PLXND1: variants seen among roughly 807,000 people sequenced by gnomAD.
PLXND1 encodes the protein plexin-D1.
In PLXND1, 54 loss-of-function variants were observed where a neutral mutation model predicts 197.7. That is an observed-to-expected ratio of 0.27 (90% CI 0.22 to 0.34). The LOEUF (loss-of-function observed/expected upper bound fraction) is 0.34. PLXND1 is among the 10% of genes least tolerant of loss of function. The pLI is 1.00. For missense variants in PLXND1, 2,127 were observed against 2,699.2 expected, an observed-to-expected ratio of 0.79 and a Z score of 4.70; for synonymous variants, 1,180 against 1,161.2, an observed-to-expected ratio of 1.02 and a Z score of -0.33.
chr3:129,561,957 G>A (rs1278641688), intron 27 of PLXND1, 54 bp from the exon 28 acceptor site: 2 of 1,219,142 alleles, frequency 1.6e-6, no homozygotes, highest in Non-Finnish European at 2.4e-6. Flanking sequence ...GGGCCTGAGG[G>A]GTAGGTACCG....
chr3:129,601,300 C>T (rs1278948125), intron 1 of PLXND1, among the ~76,000 whole-genome samples: 2 of 152,208 alleles, frequency 1.3e-5, no homozygotes, highest in East Asian at 1.9e-4. Flanking sequence ...TCTGGCCTCA[C>T]ACTTCAGCAG....
chr3:129,603,392 G>A (rs2085738719), intron 1 of PLXND1, among the ~76,000 whole-genome samples: 1 of 152,178 alleles, frequency 6.6e-6, no homozygotes, highest in Admixed American at 6.5e-5. Flanking sequence ...CCCTGGGCTG[G>A]CCTAAGGAAT....
In PLXND1 at chr3:129,559,750, T is replaced by C. The variant is rs749517878; in HGVS notation, c.5167A>G (p.Lys1723Glu). The stretch of plus-strand genomic sequence containing the variant: ...TCTTCACGGATACTCAGAATGGCCT[T>C]GAACAGGTCATCCAGAAACTTCTGC... Reference protein sequence around the residue: ...TLQKFLDDLFKAILSIREDKP... With the variant: ...TLQKFLDDLFEAILSIREDKP... The change falls in exon 32 of 36, where the codon AAG becomes GAG. Residue 1723 changes from lysine to glutamate, a missense_variant. Physicochemically the swap from Lys to Glu is moderately conservative, Grantham distance 56. Around this residue, in one of 6 missense-constraint regions of PLXND1, gnomAD observed 200 missense variants for 303.3 expected, o/e 0.66. Coordinates refer to ENST00000324093, the MANE Select transcript of PLXND1 (RefSeq NM_015103.3). 2 of 1,610,494 alleles carry C rather than the reference T, an allele frequency of 1.2e-6. No homozygotes were observed. The highest frequency in any genetic ancestry group is 2.7e-5 in the African/African-American group (2 of 74,830).
At chr3:129,578,461 A>T (rs2085344466) in intron 8 of PLXND1, 28 bp from the exon 9 acceptor site, 1 of 1,379,398 alleles carries the variant, frequency 7.2e-7, no homozygotes, top group Non-Finnish European at 1.0e-6. Flanking sequence ...GGAGAGGGTG[A>T]CACAGGGGCA....
chr3:129,560,237 C>A, intron 31 of PLXND1, 93 bp downstream of exon 31: 1 of 779,108 alleles, frequency 1.3e-6, no homozygotes, highest in East Asian at 2.6e-5. Context: ...CTCCCAGCCG[C>A]GGGTGCACAG....
intron 8 of PLXND1, 70 bp from the exon 9 acceptor site, chr3:129,578,503 C>T (rs866546076): frequency 2.2e-6 from 2 of 901,046 alleles, no homozygotes; most frequent in Non-Finnish European, 3.5e-6. Context: ...ACTCACTGCA[C>T]CCCAGCCTGC....
In PLXND1 at chr3:129,558,338, T is replaced by C. The variant is rs2085004092; in HGVS notation, c.5445+90A>G. On this transcript the variant is annotated intron_variant, in intron 33 of 35. Transcript: ENST00000324093. The surrounding 1 kb of genome is among the most constrained non-coding windows in gnomAD (Gnocchi z 4.1). ...TCCCCTCCCAGGAAGATCTCTGAGC[T>C]CAGCCTCAGAGAGTCGAGGAGGCTA... is the stretch of plus-strand genomic sequence containing the variant. The C allele has an allele frequency of 1.2e-5, 15 of 1,256,656 alleles. No individual in the cohort carries two copies. The highest frequency in any genetic ancestry group is 1.7e-5 in the Non-Finnish European group (15 of 897,910). 77.8% of individuals were successfully genotyped at this position (1,256,656 alleles called of 1,614,324 possible).
chr3:129,558,700 G>T lies in PLXND1; in HGVS notation c.5298-125C>A. 5 of 946,846 alleles carry T rather than the reference G, an allele frequency of 5.3e-6. No homozygotes were observed. Among genetic ancestry groups the T allele is most frequent in the Non-Finnish European group, 7.9e-6 (5 of 631,640 alleles). 58.7% of individuals were successfully genotyped at this position (946,846 alleles called of 1,614,324 possible). ...TGAGGTTGGAGCCTTGTCACAAGAT[G>T]TGACCTTTGGGAACCTTAGTTTGCC... is the stretch of plus-strand genomic sequence containing the variant. On this transcript the variant is annotated intron_variant, in intron 32 of 35. Transcript: ENST00000324093. This position sits in a 1 kb window ranked among gnomAD's most constrained non-coding sequence, Gnocchi z 4.1.
chr3:129,588,580 C>A (rs1378276655), intron 2 of PLXND1, among the ~76,000 whole-genome samples: 1 of 152,258 alleles, frequency 6.6e-6, no homozygotes, highest in South Asian at 2.1e-4. Flanking sequence ...CCCACCCAGC[C>A]CACAGCGTCT....
chr3:129,596,624 C>G (rs537487742), intron 1 of PLXND1, among the ~76,000 whole-genome samples: 90 of 152,302 alleles, frequency 5.9e-4, no homozygotes, highest in African/African-American at 2.0e-3. Flanking sequence ...GCTTCCTCCC[C>G]TGAAGGGACT....
Position 129,560,753 on chromosome 3 carries a change from AC to A in PLXND1, c.4994-31del, listed in dbSNP as rs748325715. 39 of 1,334,652 alleles carry A rather than the reference AC, an allele frequency of 2.9e-5. 1 individual carries two copies. The highest frequency in any genetic ancestry group is 4.0e-5 in the Non-Finnish European group (37 of 926,704). The allele number at this position is 1,334,652 out of a possible 1,614,324, so 82.7% of individuals were successfully genotyped here. A position where few individuals can be genotyped will look rare whatever the true frequency, so the allele number is the denominator to read the frequency against. On this transcript the variant is annotated intron_variant, in intron 29 of 35. Coordinates refer to ENST00000324093, the MANE Select transcript of PLXND1 (RefSeq NM_015103.3). The stretch of plus-strand genomic sequence containing the variant: ...GAGAGGAAAAACACAATAAATAAAC[AC>A]GGGAGAGGAGAGGAGAGAAACAGAA...
At chr3:129,561,168 G>A (rs898623035) in intron 29 of PLXND1, 3 of 464,760 alleles carry the variant, frequency 6.5e-6, no homozygotes, top group Middle Eastern at 4.4e-4. Context: ...TGAGCCCAGA[G>A]CTCCTGCCAG....
chr3:129,583,118 G>A (rs1366500489), intron 8 of PLXND1, among the ~76,000 whole-genome samples: 1 of 152,202 alleles, frequency 6.6e-6, no homozygotes, highest in Non-Finnish European at 1.5e-5. Context: ...CCCAAGTCTG[G>A]TACTGCCTGA....
At chr3:129,561,405 C>T (rs2085057979) in intron 29 of PLXND1, among the ~76,000 whole-genome samples, 1 of 152,222 alleles carries the variant, frequency 6.6e-6, no homozygotes, top group Non-Finnish European at 1.5e-5. Flanking sequence ...CCTGGAACTG[C>T]ATCCCGCCCT....
At chr3:129,604,936 G>A (rs1236469904) in intron 1 of PLXND1, among the ~76,000 whole-genome samples, 1 of 152,210 alleles carries the variant, frequency 6.6e-6, no homozygotes, top group Non-Finnish European at 1.5e-5. Context: ...ACAGGCTCAC[G>A]CAGTGGCCCC....
In PLXND1 at chr3:129,558,982, T is replaced by C. The variant is rs2085016605; in HGVS notation, c.5298-407A>G. ...GGCAGGGCCTGGAGCTCTGGCCTTG[T>C]CCTCAAGAGGCCAGAGAGGGTGAGC... is the stretch of plus-strand genomic sequence containing the variant. On this transcript the variant is annotated intron_variant, in intron 32 of 35. Transcript: ENST00000324093. This position sits in a 1 kb window ranked among gnomAD's most constrained non-coding sequence, Gnocchi z 4.1. 6.6e-6 allele frequency among the ~76,000 whole-genome samples: 1 copy of C among 152,064 alleles called. No individual in the cohort carries two copies.
intron 1 of PLXND1, among the ~76,000 whole-genome samples, chr3:129,590,515 T>C (rs916217939): frequency 1.3e-5 from 2 of 152,090 alleles, no homozygotes; most frequent in East Asian, 1.9e-4. Flanking sequence ...TGGGACTGAG[T>C]GCGTCCATCA....
chr3:129,564,546 G>A (rs2085110711), intron 25 of PLXND1, among the ~76,000 whole-genome samples: 1 of 152,230 alleles, frequency 6.6e-6, no homozygotes, highest in Non-Finnish European at 1.5e-5. Flanking sequence ...GCAGGCCTTT[G>A]CCTTTCTCCC....
chr3:129,571,475 C>G, intron 17 of PLXND1, 34 bp downstream of exon 17: 1 of 1,595,566 alleles, frequency 6.3e-7, no homozygotes, highest in South Asian at 1.1e-5. Context: ...CCTGGGCCAC[C>G]CCCTCCCACC....
Sources: gnomAD v4.1 joint callset for allele counts (sites outside exome capture counted in the v4.1 genomes callset) on GRCh38, gnomAD v4.1.1 for gene constraint, gnomAD v4.1.1 regional missense constraint, Gnocchi (gnomAD v3.1) non-coding constraint, MANE v1.5 for transcripts, NCBI Gene and HGNC (gene_info 2026-07-23, HGNC 2026-07-21) for gene names.